The following DLGAP2 variants were observed in gnomAD, a reference collection of about 807,000 sequenced individuals.
DLGAP2 encodes disks large-associated protein 2.
DLGAP2 carries 26 observed loss-of-function variants against 100.3 expected under a neutral mutation model. That is an observed-to-expected ratio of 0.26 (90% CI 0.19 to 0.36). The LOEUF (loss-of-function observed/expected upper bound fraction) is 0.36. Among genes scored for constraint, DLGAP2 ranks in the 10% least tolerant of loss-of-function variants. The pLI is 1.00. For synonymous variants in DLGAP2, 886 were observed against 630.1 expected, an observed-to-expected ratio of 1.41 and a Z score of -6.08; for missense variants, 1,858 against 1,453.2, an observed-to-expected ratio of 1.28 and a Z score of -4.53.
intron 6 of DLGAP2, among the ~76,000 whole-genome samples, chr8:1,601,677 G>A (rs754672516): frequency 3.9e-5 from 6 of 151,998 alleles, no homozygotes; most frequent in South Asian, 2.1e-4. Context: ...TCTCCGCCTC[G>A]GCCCACAAAC....
At chr8:1,320,921 ATGTATCTGTG>A (rs1800883935) in intron 3 of DLGAP2, among the ~76,000 whole-genome samples, 1 of 152,046 alleles carries the variant, frequency 6.6e-6, no homozygotes, top group South Asian at 2.1e-4. Context: ...ATGTGTGTGC[ATGTATCTGTG>A]TGTATACATG....
At chr8:1,180,546 GA>G (rs1797360574) in intron 2 of DLGAP2, among the ~76,000 whole-genome samples, 2 of 147,718 alleles carry the variant, frequency 1.4e-5, no homozygotes, top group South Asian at 4.2e-4. Context: ...TTTCACACAA[GA>G]ACCAGTGCGT....
intron 2 of DLGAP2, among the ~76,000 whole-genome samples, chr8:1,220,597 CT>C (rs140989033): frequency 0.014 from 2,157 of 152,238 alleles, 29 homozygotes; most frequent in South Asian, 0.067. Flanking sequence ...GGAGAGTATT[CT>C]GTAGATATCT....
At chr8:944,219 ACCAGTCCCTGTGGGTGAT>A (rs1419411894) in intron 2 of DLGAP2, among the ~76,000 whole-genome samples, 8 of 152,154 alleles carry the variant, frequency 5.3e-5, no homozygotes, top group Middle Eastern at 3.2e-3. Context: ...CTGGGTGGTA[ACCAGTCCCTGTGGGTGAT>A]CCAGTGGGTG....
At chr8:1,351,780 CCTGA>C (rs1455518266) in intron 3 of DLGAP2, among the ~76,000 whole-genome samples, 1 of 76,750 alleles carries the variant, frequency 1.3e-5, no homozygotes, top group African/African-American at 4.5e-5. Context: ...CCGTGCGGGT[CCTGA>C]CTGTGTGTGG....
chr8:1,506,984 G>C (rs1379656738), intron 4 of DLGAP2, among the ~76,000 whole-genome samples: 1 of 152,232 alleles, frequency 6.6e-6, no homozygotes, highest in Admixed American at 6.5e-5. Flanking sequence ...ACAGGGTGCT[G>C]ATTGGTGCAT....
rs182280405 is a variant in DLGAP2, at chr8:913,610, G to A, written c.73+5644G>A. Among the ~76,000 whole-genome samples, 19 of 152,310 alleles carry A rather than the reference G, an allele frequency of 1.2e-4. No homozygotes were observed. The East Asian group carries it at 3.3e-3, about 26-fold the overall frequency. On this transcript the variant is annotated intron_variant, in intron 2 of 14. Transcript: ENST00000637795. ...ACATGCCTTTTTATAATGCTTTCCA[G>A]TTTATAAGGTGCTTTCACATTCATC...
intron 6 of DLGAP2, among the ~76,000 whole-genome samples, chr8:1,594,321 A>G (rs2130682388): frequency 6.6e-6 from 1 of 152,308 alleles, no homozygotes; most frequent in Non-Finnish European, 1.5e-5. Context: ...AACAAGGGAT[A>G]TGAAGATGCC....
intron 2 of DLGAP2, among the ~76,000 whole-genome samples, chr8:1,100,572 A>G (rs1219446461): frequency 1.3e-5 from 2 of 152,268 alleles, no homozygotes; most frequent in African/African-American, 4.8e-5. Flanking sequence ...TGGTCTCAGA[A>G]TGTGTCTTCT....
chr8:1,654,122 G>C (rs1413280850), intron 8 of DLGAP2, among the ~76,000 whole-genome samples: 1 of 152,138 alleles, frequency 6.6e-6, no homozygotes, highest in Non-Finnish European at 1.5e-5. Context: ...TGGTAGTAAA[G>C]ATTTCATTCT....
At chr8:847,627 C>T (rs1054128184) in intron 1 of DLGAP2, among the ~76,000 whole-genome samples, 1 of 152,272 alleles carries the variant, frequency 6.6e-6, no homozygotes, top group African/African-American at 2.4e-5. Flanking sequence ...CCACCTCAGC[C>T]TCCAGAGTAG....
chr8:782,469 T>C (rs775988425), intron 1 of DLGAP2, among the ~76,000 whole-genome samples: 5 of 152,218 alleles, frequency 3.3e-5, no homozygotes, highest in Non-Finnish European at 7.3e-5. Flanking sequence ...TGCCATTTCA[T>C]GTGGATCAGT....
At chr8:1,411,182 T>G (rs1200205439) in intron 3 of DLGAP2, among the ~76,000 whole-genome samples, 1 of 152,206 alleles carries the variant, frequency 6.6e-6, no homozygotes, top group Non-Finnish European at 1.5e-5. Flanking sequence ...TCTGCTTAAC[T>G]ACAGAGAAAT....
chr8:1,648,082 C>T (rs1488305169), intron 8 of DLGAP2, among the ~76,000 whole-genome samples: 2 of 152,202 alleles, frequency 1.3e-5, no homozygotes, highest in Non-Finnish European at 2.9e-5. Context: ...TTAACCCGTG[C>T]GTGTACCGTG....
At chr8:1,583,939 T>C (rs1796031980) in intron 6 of DLGAP2, among the ~76,000 whole-genome samples, 1 of 152,102 alleles carries the variant, frequency 6.6e-6, no homozygotes, top group South Asian at 2.1e-4. Context: ...TCCTCCTTGC[T>C]GCCGGTCATC....
chr8:1,172,530 G>A (rs1055785266), intron 2 of DLGAP2, among the ~76,000 whole-genome samples: 4 of 152,190 alleles, frequency 2.6e-5, no homozygotes, highest in Non-Finnish European at 4.4e-5. Flanking sequence ...CCAATCAGAC[G>A]TAGATTTGGT....
At chr8:1,095,446 C>T (rs1228394426) in intron 2 of DLGAP2, among the ~76,000 whole-genome samples, 2 of 152,204 alleles carry the variant, frequency 1.3e-5, no homozygotes, top group Non-Finnish European at 1.5e-5. Flanking sequence ...TCCGGTTACA[C>T]TTGACTTCCT....
At chr8:1,458,250 A>C (rs959563076) in intron 3 of DLGAP2, among the ~76,000 whole-genome samples, 1 of 151,950 alleles carries the variant, frequency 6.6e-6, no homozygotes, top group African/African-American at 2.4e-5. Context: ...GCCTTCCTGC[A>C]GCATGTTTGG....
At chr8:1,374,274 A>G (rs1178834571) in intron 3 of DLGAP2, among the ~76,000 whole-genome samples, 3 of 152,194 alleles carry the variant, frequency 2.0e-5, no homozygotes, top group African/African-American at 7.2e-5. Context: ...TTAGGTTTAC[A>G]GAAGGCTGTG....
Sources: allele counts gnomAD v4.1 joint callset (sites outside exome capture counted in the v4.1 genomes callset), GRCh38; gene constraint gnomAD v4.1.1; transcripts MANE v1.5; gene names NCBI Gene and HGNC (gene_info 2026-07-23, HGNC 2026-07-21).